ARHGAP32: variants seen among roughly 807,000 people sequenced by gnomAD.
ARHGAP32 encodes the protein Rho GTPase activating protein 32.
A neutral mutation model predicts 186.5 loss-of-function variants in ARHGAP32; 51 were observed. The observed-to-expected ratio is 0.27, with a 90% CI of 0.22 to 0.35. ARHGAP32 has a LOEUF of 0.35. Among genes scored for constraint, ARHGAP32 ranks in the 10% least tolerant of loss-of-function variants. ARHGAP32 has a pLI of 1.00. For synonymous variants in ARHGAP32, 950 were observed against 964.3 expected, an observed-to-expected ratio of 0.99 and a Z score of 0.27; for missense variants, 2,186 against 2,623.5, an observed-to-expected ratio of 0.83 and a Z score of 3.64.
intron 2 of ARHGAP32, chr11:129,126,171 A>G (rs529549329): frequency 9.2e-6 from 2 of 217,720 alleles, no homozygotes; most frequent in Admixed American, 5.6e-5. Flanking sequence ...TCCTAGAAAA[A>G]GCGTTGACAA....
chr11:129,197,439 T>A (rs1944407272), intron 1 of ARHGAP32, among the ~76,000 whole-genome samples: 1 of 152,188 alleles, frequency 6.6e-6, no homozygotes, highest in Non-Finnish European at 1.5e-5. Context: ...TTTTCAAAAC[T>A]GTTCAATACA....
intron 6 of ARHGAP32, among the ~76,000 whole-genome samples, chr11:129,080,917 G>T (rs1000993335): frequency 3.3e-5 from 5 of 151,912 alleles, no homozygotes; most frequent in African/African-American, 1.2e-4. Flanking sequence ...AAATAAATGG[G>T]AGCTATTACA....
intron 2 of ARHGAP32, among the ~76,000 whole-genome samples, chr11:129,162,290 TATA>T (rs1254094754): frequency 3.3e-5 from 5 of 152,202 alleles, no homozygotes; most frequent in Middle Eastern, 3.4e-3. Flanking sequence ...AACTTAAAAG[TATA>T]ATAATAAAAA....
intron 2 of ARHGAP32, among the ~76,000 whole-genome samples, chr11:129,161,287 A>G (rs1045174763): frequency 2.6e-5 from 4 of 152,198 alleles, no homozygotes; most frequent in African/African-American, 4.8e-5. Context: ...TAGCAAAAAA[A>G]AAGCCAAAAT....
rs79552355 is a variant in ARHGAP32 at position 129,060,136 on chromosome 11, G to A, written c.963+2144C>T. Among the ~76,000 whole-genome samples the A allele has an allele frequency of 2.0e-3, 312 of 152,224 alleles. 6 individuals are homozygous for A. The East Asian group carries it at 0.052, about 25-fold the overall frequency. On this transcript the variant is annotated intron_variant, in intron 10 of 22. Coordinates refer to ENST00000682385, the MANE Select transcript of ARHGAP32 (RefSeq NM_001378024.1). The stretch of plus-strand genomic sequence containing the variant: ...TTTAGGCAATGAACTAATTGTGTGC[G>A]TCTCAACAAAACTTTGGGGTATAAA...
At chr11:129,273,100 C>T (rs573703404) in intron 1 of ARHGAP32, among the ~76,000 whole-genome samples, 1 of 152,322 alleles carries the variant, frequency 6.6e-6, no homozygotes, top group East Asian at 1.9e-4. Flanking sequence ...AAAGTATCCT[C>T]TCCAATAGTA....
intron 5 of ARHGAP32, among the ~76,000 whole-genome samples, chr11:129,101,460 A>G (rs1421358788): frequency 6.6e-6 from 1 of 152,218 alleles, no homozygotes; most frequent in Non-Finnish European, 1.5e-5. Flanking sequence ...AAGCATGATA[A>G]AACAATACAG....
intron 10 of ARHGAP32, among the ~76,000 whole-genome samples, chr11:129,054,379 T>C (rs961908898): frequency 1.3e-5 from 2 of 152,138 alleles, no homozygotes; most frequent in Admixed American, 6.5e-5. Flanking sequence ...ACATCAGCAG[T>C]TCTCATGTTC....
Position 128,969,006 on chromosome 11 carries a change from A to G in ARHGAP32, c.6207T>C (p.His2069=), listed in dbSNP as rs143660642. ...CTGTAGCATAGGTCCTGCTCTGTGG[A>G]TGGGGAAAGCCAGGGGGCACATACG... is the stretch of plus-strand genomic sequence containing the variant. The part of the protein sequence containing the change: ...MGTYVPPGFP[H]PQSRTYATAL... Residue 2069 remains histidine (H), a synonymous_variant, in exon 23 of 23, where the codon CAT becomes CAC. Transcript: ENST00000682385. This position sits in a 1 kb window ranked among gnomAD's most constrained non-coding sequence, Gnocchi z 4.8. 251 of 1,610,304 alleles carry G rather than the reference A, an allele frequency of 1.6e-4. No homozygotes were observed. The highest frequency in any genetic ancestry group is 1.9e-4 in the Non-Finnish European group (227 of 1,177,624).
intron 2 of ARHGAP32, among the ~76,000 whole-genome samples, chr11:129,128,376 A>G (rs1942711601): frequency 6.6e-6 from 1 of 152,210 alleles, no homozygotes; most frequent in African/African-American, 2.4e-5. Context: ...TTTGACATCC[A>G]CAATCCCCAT....
intron 2 of ARHGAP32, among the ~76,000 whole-genome samples, chr11:129,126,935 TTAC>T (rs1428750699): frequency 3.9e-5 from 6 of 152,210 alleles, no homozygotes; most frequent in African/African-American, 1.4e-4. Flanking sequence ...GCTTAGATTC[TTAC>T]TAAAATTTCT....
At chr11:129,247,174 CAGG>C (rs1313233841) in intron 1 of ARHGAP32, among the ~76,000 whole-genome samples, 1 of 152,156 alleles carries the variant, frequency 6.6e-6, no homozygotes, top group Admixed American at 6.5e-5. Flanking sequence ...CCACAATTCT[CAGG>C]AGTAGAAAAT....
chr11:129,186,807 A>G (rs1050468475), intron 1 of ARHGAP32, among the ~76,000 whole-genome samples: 4 of 152,204 alleles, frequency 2.6e-5, no homozygotes, highest in Non-Finnish European at 4.4e-5. Context: ...TCAAAACTAC[A>G]GTGAGAGATC....
intron 1 of ARHGAP32, among the ~76,000 whole-genome samples, chr11:129,268,456 C>G (rs1369598532): frequency 6.6e-6 from 1 of 151,656 alleles, no homozygotes; most frequent in Non-Finnish European, 1.5e-5. Context: ...TAAGTACCTC[C>G]CAAGGATAAT....
Position 128,974,201 on chromosome 11 carries a change from ACTT to A in ARHGAP32, c.2993_2995del (p.Glu998del). 1 of 1,614,166 alleles carries A rather than the reference ACTT, an allele frequency of 6.2e-7. No homozygotes were observed. The highest frequency in any genetic ancestry group is 8.5e-7 in the Non-Finnish European group (1 of 1,180,020). On this transcript the variant is annotated inframe_deletion, in exon 21 of 23. Coordinates refer to ENST00000682385, the MANE Select transcript of ARHGAP32 (RefSeq NM_001378024.1). Reference sequence around the variant, plus strand: ...CTGATCCTCTTTCCCTGGCAATTCTACTTCTTCAGCAGCCACCTGGTCCAGGGG... The same window carrying A: ...CTGATCCTCTTTCCCTGGCAATTCTACTTCAGCAGCCACCTGGTCCAGGGG...
rs531672129 is a variant in ARHGAP32 at position 129,123,883 on chromosome 11, T to G, written c.359+5A>C. 12 of 1,297,954 alleles carry G rather than the reference T, an allele frequency of 9.2e-6. No homozygotes were observed. In the African/African-American group the frequency reaches 1.7e-4, roughly 18 times the overall value. The allele number at this position is 1,297,954 out of a possible 1,614,324, so 80.4% of individuals were successfully genotyped here. A position where few individuals can be genotyped will look rare whatever the true frequency, so the allele number is the denominator to read the frequency against. ...CCCAACACAAAGTAGAAAACCAGAT[T>G]TTACCTGTGAATGTTGTCACAGCCC... On this transcript the variant is annotated splice_donor_5th_base_variant and intron_variant, in intron 4 of 22. Coordinates refer to ENST00000682385, the MANE Select transcript of ARHGAP32 (RefSeq NM_001378024.1). The surrounding 1 kb of genome is among the most constrained non-coding windows in gnomAD (Gnocchi z 4.6).
chr11:129,239,110 A>G (rs752856578), intron 1 of ARHGAP32, among the ~76,000 whole-genome samples: 1 of 152,168 alleles, frequency 6.6e-6, no homozygotes, highest in Non-Finnish European at 1.5e-5. Flanking sequence ...TCAACCTACC[A>G]AAGTGCTGGG....
intron 1 of ARHGAP32, among the ~76,000 whole-genome samples, chr11:129,254,066 A>G (rs1945222439): frequency 6.6e-6 from 1 of 152,174 alleles, no homozygotes; most frequent in Non-Finnish European, 1.5e-5. Context: ...TTAGAAGTAA[A>G]TAAGTGTGAT....
chr11:129,077,678 C>T (rs1250340955), intron 6 of ARHGAP32, among the ~76,000 whole-genome samples: 3 of 152,130 alleles, frequency 2.0e-5, no homozygotes, highest in South Asian at 2.1e-4. Flanking sequence ...ACGCTACCCC[C>T]ACCTGATGGT....
Sources: allele counts gnomAD v4.1 joint callset (sites outside exome capture counted in the v4.1 genomes callset), GRCh38; gene constraint gnomAD v4.1.1; non-coding constraint Gnocchi (gnomAD v3.1); transcripts MANE v1.5; gene names NCBI Gene and HGNC (gene_info 2026-07-23, HGNC 2026-07-21).